MAPKAP1: variants seen among roughly 807,000 people sequenced by gnomAD.
MAPKAP1 encodes MAPK associated protein 1.
Under a neutral mutation model 65.7 loss-of-function variants are expected in MAPKAP1, and 20 were observed. The observed-to-expected ratio is 0.30, with a 90% CI of 0.21 to 0.44. MAPKAP1 has a LOEUF of 0.44. Ranked by LOEUF, MAPKAP1 falls within the 20% of genes least tolerant of loss-of-function variation. The pLI, the probability that MAPKAP1 is intolerant of heterozygous loss-of-function variation, is 1.00. For missense variants in MAPKAP1, 423 were observed against 648.0 expected, an observed-to-expected ratio of 0.65 and a Z score of 3.77; for synonymous variants, 222 against 244.3, an observed-to-expected ratio of 0.91 and a Z score of 0.85.
intron 1 of MAPKAP1, among the ~76,000 whole-genome samples, chr9:125,697,554 A>G (rs1159897648): frequency 6.6e-6 from 1 of 152,202 alleles, no homozygotes; most frequent in Non-Finnish European, 1.5e-5. Context: ...ATGACTGTAT[A>G]TTATTTCCAT....
intron 10 of MAPKAP1, 152 bp from the exon 11 acceptor site, chr9:125,444,750 C>A: frequency 1.8e-6 from 1 of 558,552 alleles, no homozygotes; most frequent in Non-Finnish European, 3.1e-6. Flanking sequence ...TTTCTCATTA[C>A]AGGCTGGGTA....
chr9:125,450,692 A>T (rs1852912337), intron 10 of MAPKAP1, among the ~76,000 whole-genome samples: 1 of 152,212 alleles, frequency 6.6e-6, no homozygotes, highest in Admixed American at 6.5e-5. Context: ...TTGAAAACTC[A>T]GTTTCCAAGG....
rs934721977 is a variant in MAPKAP1, at chr9:125,562,535, T to C, written c.672-2726A>G. Among the ~76,000 whole-genome samples the C allele has an allele frequency of 2.0e-5, 3 of 152,206 alleles. No homozygotes were observed. The South Asian group carries it at 6.2e-4, about 31-fold the overall frequency. ...TGAGGAGATAATGACTAAAATTCTA[T>C]ATTCTACACATGGACATACTGGTTC... On this transcript the variant is annotated intron_variant, in intron 5 of 11. Coordinates refer to ENST00000265960, the MANE Select transcript of MAPKAP1 (RefSeq NM_001006617.3).
chr9:125,688,340 G>T (rs543531077), intron 1 of MAPKAP1, among the ~76,000 whole-genome samples: 2 of 152,212 alleles, frequency 1.3e-5, no homozygotes, highest in East Asian at 1.9e-4. Context: ...GTTTCACCAT[G>T]TTGGCCAAGC....
intron 1 of MAPKAP1, among the ~76,000 whole-genome samples, chr9:125,692,055 A>T (rs539625190): frequency 6.6e-6 from 1 of 152,230 alleles, no homozygotes; most frequent in Non-Finnish European, 1.5e-5. Flanking sequence ...GACCTTATGC[A>T]TTGTTGGAGG....
intron 9 of MAPKAP1, chr9:125,478,194 A>G (rs1854180334): frequency 6.6e-6 from 1 of 152,186 alleles, no homozygotes; most frequent in Admixed American, 6.5e-5. Flanking sequence ...TAAAATAAAG[A>G]GGAGGAGGGT....
chr9:125,660,311 G>A (rs1230673114), intron 3 of MAPKAP1, among the ~76,000 whole-genome samples: 1 of 152,080 alleles, frequency 6.6e-6, no homozygotes, highest in African/African-American at 2.4e-5. Flanking sequence ...AACTTTTTTG[G>A]GGTGACAGAA....
rs1201679447 is a variant in MAPKAP1 at position 125,678,276 on chromosome 9, G to A, written c.-69-5633C>T. ...TTATTTTTTTTTGAGACAGAGTCTCGCTCTGTCACCCAGGCTGGAGTGCAG... is the reference window on the plus strand; with the variant it reads ...TTATTTTTTTTTGAGACAGAGTCTCACTCTGTCACCCAGGCTGGAGTGCAG... On this transcript the variant is annotated intron_variant, in intron 1 of 11. Transcript: ENST00000265960. Among the ~76,000 whole-genome samples, 8 of 150,004 alleles carry A rather than the reference G, an allele frequency of 5.3e-5. No individual in the cohort carries two copies. In the East Asian group the frequency reaches 9.9e-4, roughly 19 times the overall value.
chr9:125,440,519 G>A (rs749808735), intron 11 of MAPKAP1, among the ~76,000 whole-genome samples: 11 of 152,200 alleles, frequency 7.2e-5, no homozygotes, highest in African/African-American at 1.2e-4. Context: ...ATTCTACTCC[G>A]AGGGCCATGT....
At chr9:125,503,600 A>G (rs911054961) in intron 8 of MAPKAP1, among the ~76,000 whole-genome samples, 2 of 152,252 alleles carry the variant, frequency 1.3e-5, no homozygotes, top group Admixed American at 1.3e-4. Context: ...ATATAGGGAT[A>G]TAAGTTATCT....
chr9:125,444,995 G>A (rs1041185718), intron 10 of MAPKAP1, among the ~76,000 whole-genome samples: 1 of 152,172 alleles, frequency 6.6e-6, no homozygotes, highest in Non-Finnish European at 1.5e-5. Context: ...AAGGAGAAGG[G>A]TCAAAAGCCA....
intron 4 of MAPKAP1, among the ~76,000 whole-genome samples, chr9:125,606,522 A>G (rs1832443288): frequency 6.6e-6 from 1 of 152,158 alleles, no homozygotes. Context: ...TTTAGCCCCT[A>G]TCTTCAATAT....
chr9:125,556,213 TA>T (rs1830730662), intron 6 of MAPKAP1, among the ~76,000 whole-genome samples: 1 of 152,218 alleles, frequency 6.6e-6, no homozygotes. Context: ...ACAGAAAAGT[TA>T]AATATTCATC....
chr9:125,672,356 G>A lies in MAPKAP1; in HGVS notation c.219C>T (p.Thr73=), dbSNP rs752396488. ...GYVYAQSVDI[T]SSWDFGIRRR... is the part of the protein sequence containing the mutation. ...TTCTAATACCAAAGTCCCAACTTGAGGTAATATCGACTGACTGGGCATATA... is the reference window on the plus strand; with the variant it reads ...TTCTAATACCAAAGTCCCAACTTGAAGTAATATCGACTGACTGGGCATATA... The change falls in exon 2 of 12, where the codon ACC becomes ACT. Residue 73 remains threonine, a synonymous_variant. Coordinates refer to ENST00000265960, the MANE Select transcript of MAPKAP1 (RefSeq NM_001006617.3). The A allele has an allele frequency of 6.2e-7, 1 of 1,614,152 alleles. No individual in the cohort carries two copies. Among genetic ancestry groups the A allele is most frequent in the South Asian group, 1.1e-5 (1 of 91,084 alleles).
intron 4 of MAPKAP1, among the ~76,000 whole-genome samples, chr9:125,653,762 A>G (rs377480024): frequency 6.6e-6 from 1 of 152,210 alleles, no homozygotes; most frequent in African/African-American, 2.4e-5. Flanking sequence ...ACTGCCTCTC[A>G]CTGTGCTAGA....
intron 4 of MAPKAP1, among the ~76,000 whole-genome samples, chr9:125,656,803 C>T (rs545102596): frequency 6.6e-6 from 1 of 152,292 alleles, no homozygotes; most frequent in South Asian, 2.1e-4. Flanking sequence ...CCGCTACTGT[C>T]TTCTGAACAA....
chr9:125,608,182 C>A (rs1196829007), intron 4 of MAPKAP1, among the ~76,000 whole-genome samples: 1 of 152,188 alleles, frequency 6.6e-6, no homozygotes, highest in Admixed American at 6.5e-5. Flanking sequence ...TCGAAGTTTC[C>A]AGAAAAGTCC....
chr9:125,534,367 T>A (rs1830015018), intron 7 of MAPKAP1, among the ~76,000 whole-genome samples: 2 of 152,232 alleles, frequency 1.3e-5, no homozygotes, highest in African/African-American at 4.8e-5. Context: ...AAAAATATCT[T>A]TAAATGCCAC....
At chr9:125,577,958 A>G (rs1439586804) in intron 5 of MAPKAP1, among the ~76,000 whole-genome samples, 1 of 151,908 alleles carries the variant, frequency 6.6e-6, no homozygotes, top group East Asian at 2.0e-4. Context: ...AGAACAGGCC[A>G]TGATGACAAT....
Sources: gnomAD v4.1 joint callset for allele counts (sites outside exome capture counted in the v4.1 genomes callset) on GRCh38, gnomAD v4.1.1 for gene constraint, MANE v1.5 for transcripts, NCBI Gene and HGNC (gene_info 2026-07-23, HGNC 2026-07-21) for gene names.